Variants in ITGB6 observed in about 807,000 individuals in gnomAD.
The protein encoded by ITGB6 is integrin beta-6.
A neutral mutation model predicts 84.5 loss-of-function variants in ITGB6; 80 were observed. The ratio of observed to expected loss-of-function variants is 0.95; its 90% confidence interval spans 0.79 to 1.14. The LOEUF is 1.14. Among genes scored for constraint, ITGB6 ranks in the 50% most tolerant of loss-of-function variants. ITGB6 has a pLI of 0.00. For synonymous variants in ITGB6, 383 were observed against 354.9 expected, an observed-to-expected ratio of 1.08 and a Z score of -0.89; for missense variants, 1,006 against 968.0, an observed-to-expected ratio of 1.04 and a Z score of -0.52.
chr2:160,115,984 C>T (rs1682747485), intron 12 of ITGB6, among the ~76,000 whole-genome samples: 1 of 148,052 alleles, frequency 6.8e-6, no homozygotes, highest in African/African-American at 2.5e-5. Context: ...AAGAAATGAA[C>T]AAAGCCTCCA....
intron 12 of ITGB6, among the ~76,000 whole-genome samples, chr2:160,117,864 C>T (rs541685498): frequency 7.9e-5 from 12 of 152,244 alleles, no homozygotes; most frequent in African/African-American, 2.9e-4. Flanking sequence ...ATACAAACTA[C>T]CATCAGAGAA....
intron 7 of ITGB6, among the ~76,000 whole-genome samples, chr2:160,165,900 C>T (rs999338229): frequency 2.0e-5 from 3 of 152,232 alleles, no homozygotes; most frequent in African/African-American, 7.2e-5. Flanking sequence ...TGCTCTGTGT[C>T]TGTGGGCTTC....
At position 160,132,583 on chromosome 2, in the gene ITGB6, C is replaced by T. The variant is rs528600566; in HGVS notation, c.1660+4851G>A. On this transcript the variant is annotated intron_variant, in intron 10 of 14. Coordinates refer to ENST00000283249, the MANE Select transcript of ITGB6 (RefSeq NM_000888.5). ...GCTTTCTGATTTGAATAGCTGTCTG[C>T]TTACATAGTGTGAAGAACAGAGATA... Among the ~76,000 whole-genome samples the T allele has an allele frequency of 1.2e-4, 18 of 152,146 alleles. No homozygotes were observed. The South Asian group carries it at 2.7e-3, about 23-fold the overall frequency.
At chr2:160,199,082 C>A (rs1686451604) in intron 2 of ITGB6, 97 bp downstream of exon 2, 6 of 1,006,048 alleles carry the variant, frequency 6.0e-6, no homozygotes, top group Middle Eastern at 2.1e-4. Flanking sequence ...TACAACTCCA[C>A]AAAAAAGCAA....
At chr2:160,128,768 C>T (rs896308427) in intron 10 of ITGB6, among the ~76,000 whole-genome samples, 3 of 152,266 alleles carry the variant, frequency 2.0e-5, no homozygotes, top group Admixed American at 2.0e-4. Flanking sequence ...CTCATGGTCA[C>T]TGCCGTGTCA....
chr2:160,181,429 C>A (rs1352704539), intron 4 of ITGB6, among the ~76,000 whole-genome samples: 1 of 152,210 alleles, frequency 6.6e-6, no homozygotes, highest in Non-Finnish European at 1.5e-5. Flanking sequence ...AGCCAGACTG[C>A]CTCTCTAGAT....
At chr2:160,114,817 T>C (rs939692389) in intron 12 of ITGB6, among the ~76,000 whole-genome samples, 2 of 152,184 alleles carry the variant, frequency 1.3e-5, no homozygotes, top group Non-Finnish European at 1.5e-5. Flanking sequence ...ACTGCTCTTT[T>C]CCAATGGGCT....
intron 11 of ITGB6, among the ~76,000 whole-genome samples, chr2:160,124,520 C>T (rs1262730788): frequency 1.3e-5 from 2 of 152,164 alleles, no homozygotes; most frequent in African/African-American, 2.4e-5. Context: ...CCAAGAACAT[C>T]ATCCAAGAAT....
chr2:160,168,568 T>C (rs1685091221), intron 7 of ITGB6, among the ~76,000 whole-genome samples: 1 of 152,228 alleles, frequency 6.6e-6, no homozygotes, highest in Admixed American at 6.5e-5. Context: ...AGAAATCTTT[T>C]GTATGTGCAT....
rs1303748398 is a variant in ITGB6 at position 160,101,898 on chromosome 2, G to A, written c.2269-64C>T. ...TTTTGTTTTTATACTGTTTTAATAC[G>A]TAGTGCAAATTGGAAGAGGAGAGTC... is the stretch of plus-strand genomic sequence containing the variant. On this transcript the variant is annotated intron_variant, in intron 14 of 14. Transcript: ENST00000283249. 44 of 866,236 alleles carry A rather than the reference G, an allele frequency of 5.1e-5. No homozygotes were observed. The East Asian group carries it at 9.8e-4, about 19-fold the overall frequency. 53.7% of individuals were successfully genotyped at this position (866,236 alleles called of 1,614,324 possible).
At chr2:160,190,688 A>G (rs940618866) in intron 4 of ITGB6, among the ~76,000 whole-genome samples, 2 of 152,220 alleles carry the variant, frequency 1.3e-5, no homozygotes, top group Admixed American at 6.6e-5. Flanking sequence ...TGAATAAAGT[A>G]CAGTCAAGAG....
intron 10 of ITGB6, among the ~76,000 whole-genome samples, chr2:160,128,524 C>T (rs1383871887): frequency 1.3e-5 from 2 of 152,108 alleles, no homozygotes; most frequent in African/African-American, 4.8e-5. Context: ...AAGCTACAGA[C>T]AGAAAAATCA....
At chr2:160,114,547 C>G (rs1176816705) in intron 12 of ITGB6, among the ~76,000 whole-genome samples, 2 of 152,182 alleles carry the variant, frequency 1.3e-5, no homozygotes, top group African/African-American at 4.8e-5. Context: ...CGAATAGGAA[C>G]AGCTCCAGTC....
At chr2:160,188,831 C>T (rs1686016154) in intron 4 of ITGB6, among the ~76,000 whole-genome samples, 1 of 151,988 alleles carries the variant, frequency 6.6e-6, no homozygotes, top group Non-Finnish European at 1.5e-5. Flanking sequence ...GTCTCAAACT[C>T]CTGAACTCAT....
At chr2:160,131,305 A>G (rs1267970855) in intron 10 of ITGB6, among the ~76,000 whole-genome samples, 1 of 152,186 alleles carries the variant, frequency 6.6e-6, no homozygotes, top group Non-Finnish European at 1.5e-5. Context: ...TTGGGCAAGG[A>G]AAAAATCAAT....
intron 4 of ITGB6, among the ~76,000 whole-genome samples, chr2:160,188,483 C>T (rs1046812096): frequency 6.6e-6 from 1 of 152,102 alleles, no homozygotes; most frequent in African/African-American, 2.4e-5. Context: ...TTTTGCACCC[C>T]CTGCAGTGCT....
At chr2:160,164,826 C>A (rs1684945133) in intron 7 of ITGB6, among the ~76,000 whole-genome samples, 1 of 152,068 alleles carries the variant, frequency 6.6e-6, no homozygotes, top group African/African-American at 2.4e-5. Flanking sequence ...GCTTTGAGTT[C>A]TTTAGAAGAA....
chr2:160,112,407 T>G (rs988741200), intron 12 of ITGB6, among the ~76,000 whole-genome samples: 1 of 152,014 alleles, frequency 6.6e-6, no homozygotes, highest in Non-Finnish European at 1.5e-5. Flanking sequence ...TTGTGGTCAA[T>G]CAGGACTGAC....
At chr2:160,115,277 G>A (rs958259099) in intron 12 of ITGB6, among the ~76,000 whole-genome samples, 13 of 152,190 alleles carry the variant, frequency 8.5e-5, no homozygotes, top group Non-Finnish European at 1.0e-4. Context: ...TCACACAGCC[G>A]GGTACTCCTC....
Sources: gnomAD v4.1 joint callset for allele counts (sites outside exome capture counted in the v4.1 genomes callset) on GRCh38, gnomAD v4.1.1 for gene constraint, MANE v1.5 for transcripts, NCBI Gene and HGNC (gene_info 2026-07-23, HGNC 2026-07-21) for gene names.